The following ANKFN1 variants were observed in gnomAD, a reference collection of about 807,000 sequenced individuals.
ANKFN1 encodes the protein ankyrin repeat and fibronectin type-III domain-containing protein 1.
Under a neutral mutation model 108.7 loss-of-function variants are expected in ANKFN1, and 74 were observed. The observed-to-expected ratio is 0.68, with a 90% CI of 0.56 to 0.83. The LOEUF (loss-of-function observed/expected upper bound fraction) is 0.83, where lower values mean the gene tolerates loss of function less well. ANKFN1 is among the 40% of genes least tolerant of loss of function. The probability of loss-of-function intolerance (pLI) is 0.00; values close to 1 mark genes in which losing one functional copy is unlikely to be tolerated. For missense variants in ANKFN1, 1,505 were observed against 1,382.3 expected, an observed-to-expected ratio of 1.09 and a Z score of -1.41; for synonymous variants, 547 against 516.2, an observed-to-expected ratio of 1.06 and a Z score of -0.81.
intron 4 of ANKFN1, among the ~76,000 whole-genome samples, chr17:56,101,015 G>A (rs1017650697): frequency 2.6e-5 from 4 of 152,078 alleles, no homozygotes; most frequent in African/African-American, 9.7e-5. Context: ...ATCAGATTAG[G>A]TCATGAGAGT....
intron 1 of ANKFN1, among the ~76,000 whole-genome samples, chr17:56,198,475 G>T (rs1026580973): frequency 1.3e-5 from 2 of 152,098 alleles, no homozygotes; most frequent in African/African-American, 2.4e-5. Flanking sequence ...AGCTTTGCTT[G>T]CTCACCCACT....
intron 6 of ANKFN1, among the ~76,000 whole-genome samples, chr17:56,364,878 T>C (rs761835525): frequency 5.3e-5 from 8 of 152,232 alleles, no homozygotes; most frequent in Non-Finnish European, 1.0e-4. Context: ...AAAACCTTTT[T>C]GGAACCACAT....
At chr17:56,179,141 C>G (rs1161699236) in intron 1 of ANKFN1, among the ~76,000 whole-genome samples, 1 of 152,130 alleles carries the variant, frequency 6.6e-6, no homozygotes, top group Non-Finnish European at 1.5e-5. Context: ...CAAATCCATA[C>G]CAACTTTATT....
rs2051893859 is a variant in ANKFN1, at chr17:56,515,535, G to A, written c.*4266G>A. Among the ~76,000 whole-genome samples, 1 of 152,180 alleles carries A rather than the reference G, an allele frequency of 6.6e-6. No homozygotes were observed. The highest frequency in any genetic ancestry group is 2.4e-5 in the African/African-American group (1 of 41,440). ...CTTTGCTGGTCACCTCTCATAAGAT[G>A]TTCAAACACATGGCTTATGACTGTT... On this transcript the variant is annotated 3_prime_UTR_variant, in exon 21 of 21. Transcript: ENST00000682825.
intron 8 of ANKFN1, among the ~76,000 whole-genome samples, chr17:56,381,431 A>G (rs1410333258): frequency 6.6e-6 from 1 of 152,254 alleles, no homozygotes; most frequent in Admixed American, 6.5e-5. Flanking sequence ...ACAAAGCTGG[A>G]CAGAGAATGA....
At chr17:56,257,298 T>A (rs1399208430) in intron 3 of ANKFN1, among the ~76,000 whole-genome samples, 1 of 152,192 alleles carries the variant, frequency 6.6e-6, no homozygotes, top group Non-Finnish European at 1.5e-5. Flanking sequence ...GATCCTAGAA[T>A]CCTGGAGCCC....
Position 56,252,612 on chromosome 17 carries a change from C to T in ANKFN1, c.53+24655C>T, listed in dbSNP as rs571477876. ...GCAACGTAGTGAGACACCATCTCCA[C>T]AAGTAATTTTTTAAAATTAGCTGGG... is the stretch of plus-strand genomic sequence containing the variant. On this transcript the variant is annotated intron_variant, in intron 3 of 20. Coordinates refer to ENST00000682825, the MANE Select transcript of ANKFN1 (RefSeq NM_001370326.1). Among the ~76,000 whole-genome samples the T allele has an allele frequency of 5.3e-5, 8 of 151,552 alleles. No individual in the cohort carries two copies. The South Asian group carries it at 1.3e-3, about 24-fold the overall frequency.
At chr17:56,358,600 C>A (rs1436799706) in intron 6 of ANKFN1, among the ~76,000 whole-genome samples, 1 of 152,150 alleles carries the variant, frequency 6.6e-6, no homozygotes, top group African/African-American at 2.4e-5. Flanking sequence ...GCAAACAGCA[C>A]AAAATAATAT....
chr17:56,200,765 A>T (rs1222190681), intron 1 of ANKFN1, among the ~76,000 whole-genome samples: 2 of 152,228 alleles, frequency 1.3e-5, no homozygotes, highest in Admixed American at 1.3e-4. Context: ...ATAGAGAGTA[A>T]CATCTCAAGT....
At chr17:56,056,376 C>CAAAA (rs35100387) in intron 4 of ANKFN1, among the ~76,000 whole-genome samples, 42 of 135,160 alleles carry the variant, frequency 3.1e-4, no homozygotes, top group African/African-American at 9.9e-4. Context: ...CAATTCTAAG[C>CAAAA]AAAAAAAAAA....
chr17:56,208,551 T>G (rs1914718127), intron 1 of ANKFN1, among the ~76,000 whole-genome samples: 1 of 152,210 alleles, frequency 6.6e-6, no homozygotes, highest in African/African-American at 2.4e-5. Context: ...TCATTCTCCC[T>G]GAACCTTCCA....
chr17:56,309,651 C>T (rs1408811124), intron 3 of ANKFN1, among the ~76,000 whole-genome samples: 1 of 152,070 alleles, frequency 6.6e-6, no homozygotes, highest in Non-Finnish European at 1.5e-5. Context: ...TCCCAAAACC[C>T]CCAACAGATG....
chr17:56,364,886 C>T (rs1039168775), intron 6 of ANKFN1, among the ~76,000 whole-genome samples: 1 of 152,178 alleles, frequency 6.6e-6, no homozygotes, highest in African/African-American at 2.4e-5. Flanking sequence ...TTTGGAACCA[C>T]ATCTCAATGT....
chr17:56,492,040 A>G, intron 18 of ANKFN1, 147 bp from the exon 19 acceptor site: 1 of 582,446 alleles, frequency 1.7e-6, no homozygotes, highest in East Asian at 2.8e-5. Context: ...CCTTAAGAGC[A>G]CATTTATAAT....
At chr17:56,137,423 A>G (rs1003330645) in intron 4 of ANKFN1, among the ~76,000 whole-genome samples, 2 of 152,224 alleles carry the variant, frequency 1.3e-5, no homozygotes, top group Non-Finnish European at 2.9e-5. Flanking sequence ...TCCCTTATTT[A>G]CTGCCAGCCC....
intron 14 of ANKFN1, among the ~76,000 whole-genome samples, chr17:56,464,548 A>G (rs1317214102): frequency 6.6e-6 from 1 of 152,170 alleles, no homozygotes; most frequent in Non-Finnish European, 1.5e-5. Context: ...GTAAGGGAAA[A>G]AAGAGGGATG....
Position 56,237,708 on chromosome 17 carries a change from C to A in ANKFN1, c.53+9751C>A, listed in dbSNP as rs148401998. ...TTAGTCTAGCTAGTAGCTTATATAT[C>A]ATTAATTTTTATAACAAACCAACTC... On this transcript the variant is annotated intron_variant, in intron 3 of 20. Transcript: ENST00000682825. Among the ~76,000 whole-genome samples the A allele has an allele frequency of 5.0e-3, 759 of 151,536 alleles. 6 individuals carry two copies. Among genetic ancestry groups the A allele is most frequent in the African/African-American group, 0.018 (727 of 41,354 alleles).
intron 3 of ANKFN1, among the ~76,000 whole-genome samples, chr17:56,244,597 G>A (rs1280442717): frequency 6.6e-6 from 1 of 152,096 alleles, no homozygotes; most frequent in South Asian, 2.1e-4. Flanking sequence ...GGATTTTTGT[G>A]CTTGAAACTA....
intron 4 of ANKFN1, among the ~76,000 whole-genome samples, chr17:56,144,099 T>A (rs1908090459): frequency 6.8e-6 from 1 of 146,208 alleles, no homozygotes; most frequent in Non-Finnish European, 1.5e-5. Context: ...TGTCATTTGT[T>A]CATCTTTGGA....
Sources: allele counts gnomAD v4.1 joint callset (sites outside exome capture counted in the v4.1 genomes callset), GRCh38; gene constraint gnomAD v4.1.1; transcripts MANE v1.5; gene names NCBI Gene and HGNC (gene_info 2026-07-23, HGNC 2026-07-21).